Variants in FHOD3 observed in about 807,000 individuals in gnomAD.
The protein encoded by FHOD3 is formin homology 2 domain containing 3.
FHOD3 carries 90 observed loss-of-function variants against 173.0 expected under a neutral mutation model. The ratio of observed to expected loss-of-function variants is 0.52; its 90% CI spans 0.44 to 0.62. FHOD3 has a LOEUF of 0.62. Ranked by LOEUF, FHOD3 falls within the 20% of genes least tolerant of loss-of-function variation. The pLI, the probability that FHOD3 is intolerant of heterozygous loss-of-function variation, is 0.00. For synonymous variants in FHOD3, 828 were observed against 823.0 expected (o/e 1.01, Z -0.10); for missense variants, 1,945 against 2,034.7 (o/e 0.96, Z 0.85).
At chr18:36,776,362 CAAAG>C (rs2043653577) in intron 28 of FHOD3, among the ~76,000 whole-genome samples, 1 of 152,122 alleles carries the variant, frequency 6.6e-6, no homozygotes, top group Non-Finnish European at 1.5e-5. Context: ...TGATGAATGG[CAAAG>C]AAACTGACCA....
At chr18:36,733,739 A>G (rs1206716595) in intron 20 of FHOD3, among the ~76,000 whole-genome samples, 1 of 152,132 alleles carries the variant, frequency 6.6e-6, no homozygotes, top group Non-Finnish European at 1.5e-5. Flanking sequence ...CACAGCACCA[A>G]ATCTGACTTT....
intron 10 of FHOD3, among the ~76,000 whole-genome samples, chr18:36,645,608 C>G (rs1196644019): frequency 6.6e-6 from 1 of 152,072 alleles, no homozygotes; most frequent in Non-Finnish European, 1.5e-5. Context: ...CCAGTATAAC[C>G]TTGATTTCAA....
chr18:36,452,617 C>G (rs1255261243), intron 3 of FHOD3, among the ~76,000 whole-genome samples: 1 of 151,702 alleles, frequency 6.6e-6, no homozygotes, highest in East Asian at 2.0e-4. Flanking sequence ...CCTTCCAGCC[C>G]CTGGCAGCCA....
rs1307527305 is a variant in FHOD3 at position 36,419,656 on chromosome 18, T to G, written c.337+46912T>G. Among the ~76,000 whole-genome samples the G allele has an allele frequency of 3.3e-5, 5 of 152,178 alleles. No homozygotes were observed. The East Asian group carries it at 7.7e-4, about 23-fold the overall frequency. ...CTGACACTGGGTTGGGACTAACCCA[T>G]GCTCTTTTAAGTGCCTAAGTAGTGG... is the stretch of plus-strand genomic sequence containing the variant. On this transcript the variant is annotated intron_variant, in intron 3 of 28. Transcript: ENST00000590592.
intron 5 of FHOD3, among the ~76,000 whole-genome samples, chr18:36,522,606 A>T (rs1007774791): frequency 6.6e-6 from 1 of 152,166 alleles, no homozygotes; most frequent in Non-Finnish European, 1.5e-5. Flanking sequence ...TGGACTGTGG[A>T]TTTCTTGGAG....
chr18:36,693,228 T>C lies in FHOD3; in HGVS notation c.2041T>C (p.Leu681=). The part of the protein sequence containing the change: ...REERYKYLEQ[L]AAEEHEKELR... ...TTTCAGATACAAATACTTGGAACAG[T>C]TGGCAGCTGAGGAGCACGAGAAGGA... Residue 681 remains leucine, a synonymous_variant, in exon 17 of 29, where the codon TTG becomes CTG. Transcript: ENST00000590592. The C allele has an allele frequency of 6.2e-7, 1 of 1,613,562 alleles. No homozygotes were observed. The highest frequency in any genetic ancestry group is 8.5e-7 in the Non-Finnish European group (1 of 1,179,738).
At chr18:36,543,654 TGG>T in intron 5 of FHOD3, among the ~76,000 whole-genome samples, 1 of 152,208 alleles carries the variant, frequency 6.6e-6, no homozygotes, top group Middle Eastern at 3.4e-3. Context: ...TGTCACCCAC[TGG>T]GGATGTGAGG....
intron 3 of FHOD3, among the ~76,000 whole-genome samples, chr18:36,500,526 C>T (rs535792937): frequency 2.1e-3 from 318 of 152,278 alleles, no homozygotes; most frequent in Middle Eastern, 0.01. Flanking sequence ...GTTTTGAATG[C>T]CTTTATTATA....
intron 5 of FHOD3, among the ~76,000 whole-genome samples, chr18:36,517,709 C>T (rs2056067738): frequency 6.6e-6 from 1 of 152,192 alleles, no homozygotes; most frequent in African/African-American, 2.4e-5. Flanking sequence ...TTTAACTCAA[C>T]CTTTTCATTT....
At chr18:36,372,791 G>A (rs976826582) in intron 3 of FHOD3, 47 bp downstream of exon 3, 6 of 1,494,034 alleles carry the variant, frequency 4.0e-6, no homozygotes, top group Non-Finnish European at 5.6e-6. Context: ...TGAAAGACGC[G>A]ACTTATGGGA....
intron 10 of FHOD3, among the ~76,000 whole-genome samples, chr18:36,628,701 A>C (rs1007681099): frequency 3.3e-5 from 5 of 152,200 alleles, no homozygotes; most frequent in African/African-American, 1.2e-4. Flanking sequence ...TACAAATTTC[A>C]TTGGAAGGGG....
intron 27 of FHOD3, among the ~76,000 whole-genome samples, chr18:36,762,973 A>T (rs925052612): frequency 1.0e-4 from 15 of 148,260 alleles, no homozygotes; most frequent in African/African-American, 3.2e-4. Flanking sequence ...ATATATGCGT[A>T]TTATATACGT....
chr18:36,386,747 G>C (rs76102712), intron 3 of FHOD3, among the ~76,000 whole-genome samples: 2 of 152,302 alleles, frequency 1.3e-5, no homozygotes, highest in African/African-American at 4.8e-5. Flanking sequence ...CCCCTCGGCT[G>C]TCCCCAGGGT....
intron 17 of FHOD3, among the ~76,000 whole-genome samples, chr18:36,703,751 G>A (rs1002255593): frequency 3.9e-5 from 6 of 152,272 alleles, no homozygotes; most frequent in Admixed American, 6.5e-5. Flanking sequence ...CCAGCTGGCC[G>A]AAGTCCTCAG....
intron 28 of FHOD3, among the ~76,000 whole-genome samples, chr18:36,775,821 TG>T (rs1417250103): frequency 2.6e-5 from 4 of 152,228 alleles, no homozygotes; most frequent in Non-Finnish European, 5.9e-5. Flanking sequence ...CACCAGGGCC[TG>T]GGGTGCAGTG....
chr18:36,711,322 A>G (rs1025666757), intron 18 of FHOD3: 20 of 152,204 alleles, frequency 1.3e-4, no homozygotes, highest in Admixed American at 7.2e-4. Context: ...TCTCAAACGT[A>G]TTTCTAATGA....
At chr18:36,565,622 A>G (rs545825874) in intron 5 of FHOD3, among the ~76,000 whole-genome samples, 27 of 150,096 alleles carry the variant, frequency 1.8e-4, no homozygotes, top group Non-Finnish European at 3.5e-4. Flanking sequence ...AATGTTTCAT[A>G]CCATTCATTT....
Position 36,691,332 on chromosome 18 carries a change from G to A in FHOD3, c.2022-1877G>A, listed in dbSNP as rs190357354. On this transcript the variant is annotated intron_variant, in intron 16 of 28. Coordinates refer to ENST00000590592, the MANE Select transcript of FHOD3 (RefSeq NM_001281740.3). ...TCTGACCTCCTGAATTCCTGGACCT[G>A]TCCAGATTCTCTTATTTGCACTCAT... 4.0e-3 allele frequency among the ~76,000 whole-genome samples: 610 copies of A among 152,320 alleles called. 2 individuals are homozygous for A. The highest frequency in any genetic ancestry group is 0.014 in the African/African-American group (593 of 41,562).
chr18:36,411,662 G>T (rs1020117561), intron 3 of FHOD3, among the ~76,000 whole-genome samples: 2 of 152,212 alleles, frequency 1.3e-5, no homozygotes, highest in Non-Finnish European at 2.9e-5. Flanking sequence ...GTACAAAATA[G>T]AGCAACTGAT....
Sources: allele counts gnomAD v4.1 joint callset (sites outside exome capture counted in the v4.1 genomes callset), GRCh38; gene constraint gnomAD v4.1.1; transcripts MANE v1.5; gene names NCBI Gene and HGNC (gene_info 2026-07-23, HGNC 2026-07-21).